PTPRR: variants seen among roughly 807,000 people sequenced by gnomAD.
The protein encoded by PTPRR is protein tyrosine phosphatase receptor type R.
PTPRR carries 38 observed loss-of-function variants against 77.2 expected under a neutral mutation model. That is an observed-to-expected ratio of 0.49 (90% CI 0.38 to 0.65). PTPRR has a LOEUF of 0.65. Among genes scored for constraint, PTPRR ranks in the 30% least tolerant of loss-of-function variants. The pLI, the probability that PTPRR is intolerant of heterozygous loss-of-function variation, is 0.00. For synonymous variants in PTPRR, 299 were observed against 283.1 expected (o/e 1.06, Z -0.57); for missense variants, 744 against 799.2 (o/e 0.93, Z 0.83).
chr12:70,704,157 G>C (rs1513106), intron 6 of PTPRR, among the ~76,000 whole-genome samples: 123,766 of 152,040 alleles, frequency 0.81, 50,817 homozygotes, highest in East Asian at 0.93. Context: ...GATGTTGGCT[G>C]ACATCTGTAA....
chr12:70,804,139 C>CTGTGTGTGTGTG (rs58442488), intron 2 of PTPRR, among the ~76,000 whole-genome samples: 9,626 of 137,176 alleles, frequency 0.07, 529 homozygotes, highest in Non-Finnish European at 0.088. Context: ...GTTCCTGGCT[C>CTGTGTGTGTGTG]TGTGTGTGTG....
intron 4 of PTPRR, among the ~76,000 whole-genome samples, chr12:70,756,196 C>G (rs548792298): frequency 4.5e-4 from 68 of 152,150 alleles, no homozygotes; most frequent in South Asian, 1.2e-3. Context: ...CTGCTTAAGA[C>G]AAACCTGTTT....
chr12:70,745,384 A>G (rs1592726260), intron 6 of PTPRR, among the ~76,000 whole-genome samples: 1 of 152,282 alleles, frequency 6.6e-6, no homozygotes, highest in East Asian at 1.9e-4. Flanking sequence ...CAGAGCTAAA[A>G]CTTTAAAAAA....
intron 2 of PTPRR, among the ~76,000 whole-genome samples, chr12:70,793,240 G>A (rs140955744): frequency 3.0e-4 from 45 of 152,296 alleles, no homozygotes; most frequent in African/African-American, 1.1e-3. Context: ...TTAAAGTTGA[G>A]CAAAGTTTCA....
intron 4 of PTPRR, among the ~76,000 whole-genome samples, chr12:70,755,059 T>C (rs1890528425): frequency 6.6e-6 from 1 of 152,146 alleles, no homozygotes; most frequent in Non-Finnish European, 1.5e-5. Flanking sequence ...ATTAATTTTA[T>C]TTTATTAATT....
At chr12:70,802,144 A>G (rs1196688208) in intron 2 of PTPRR, among the ~76,000 whole-genome samples, 3 of 152,222 alleles carry the variant, frequency 2.0e-5, no homozygotes, top group African/African-American at 7.2e-5. Context: ...AAAAAATGTT[A>G]GATCATATGG....
intron 2 of PTPRR, 135 bp downstream of exon 2, chr12:70,892,544 A>G: frequency 9.3e-7 from 1 of 1,070,834 alleles, no homozygotes; most frequent in Non-Finnish European, 1.3e-6. Flanking sequence ...TAGAAGTACC[A>G]CAGAATAAGT....
At chr12:70,673,005 TC>T in intron 10 of PTPRR, 1 of 1,279,570 alleles carries the variant, frequency 7.8e-7, no homozygotes, top group Non-Finnish European at 1.0e-6. Context: ...GATAGAGCTC[TC>T]TTCAATAAAT....
intron 8 of PTPRR, among the ~76,000 whole-genome samples, chr12:70,688,170 G>A (rs1251072083): frequency 6.6e-6 from 1 of 152,148 alleles, no homozygotes; most frequent in African/African-American, 2.4e-5. Flanking sequence ...TGACATTGAT[G>A]TGGGCAAAAA....
chr12:70,885,834 TATGG>T (rs1282025760), intron 2 of PTPRR, among the ~76,000 whole-genome samples: 6 of 152,000 alleles, frequency 3.9e-5, no homozygotes, highest in African/African-American at 1.4e-4. Context: ...CCTGGCTGGT[TATGG>T]ATGGTTTTTA....
intron 2 of PTPRR, among the ~76,000 whole-genome samples, chr12:70,787,191 G>A (rs1396167659): frequency 6.6e-6 from 1 of 151,998 alleles, no homozygotes; most frequent in African/African-American, 2.4e-5. Context: ...TTTTCTTTTA[G>A]GAAGATTGAG....
At chr12:70,722,540 A>C (rs571131896) in intron 6 of PTPRR, among the ~76,000 whole-genome samples, 10 of 152,262 alleles carry the variant, frequency 6.6e-5, no homozygotes, top group Non-Finnish European at 1.3e-4. Flanking sequence ...AAGAAGCTTG[A>C]CTTGGAGGGA....
intron 2 of PTPRR, among the ~76,000 whole-genome samples, chr12:70,791,359 T>C (rs961114807): frequency 2.0e-5 from 3 of 152,200 alleles, no homozygotes; most frequent in African/African-American, 7.2e-5. Context: ...CTCTGAGATA[T>C]ATGCAGGGCT....
At chr12:70,640,101 A>G (rs1200551836) in intron 13 of PTPRR, among the ~76,000 whole-genome samples, 1 of 152,228 alleles carries the variant, frequency 6.6e-6, no homozygotes, top group Non-Finnish European at 1.5e-5. Context: ...CATGAGAAAT[A>G]ACGGTGCTTC....
chr12:70,820,854 A>G (rs1379127296), intron 2 of PTPRR, among the ~76,000 whole-genome samples: 1 of 151,994 alleles, frequency 6.6e-6, no homozygotes, highest in Non-Finnish European at 1.5e-5. Flanking sequence ...CACTTTTCCT[A>G]TCTCCTCTTA....
At chr12:70,777,239 A>G (rs900499017) in intron 2 of PTPRR, among the ~76,000 whole-genome samples, 2 of 151,792 alleles carry the variant, frequency 1.3e-5, no homozygotes, top group Non-Finnish European at 2.9e-5. Flanking sequence ...TATTCCATTC[A>G]CTTCTGTTAT....
chr12:70,772,385 A>G (rs1890997517), intron 2 of PTPRR, among the ~76,000 whole-genome samples: 1 of 152,184 alleles, frequency 6.6e-6, no homozygotes. Context: ...AAAAGAGATT[A>G]ATACTGTTTC....
intron 2 of PTPRR, among the ~76,000 whole-genome samples, chr12:70,856,282 C>T (rs1892650166): frequency 1.3e-5 from 2 of 152,104 alleles, no homozygotes; most frequent in Admixed American, 1.3e-4. Flanking sequence ...GACAATGGTA[C>T]TGGCTACAGT....
intron 2 of PTPRR, among the ~76,000 whole-genome samples, chr12:70,872,196 T>A (rs1892969567): frequency 6.6e-6 from 1 of 152,188 alleles, no homozygotes; most frequent in South Asian, 2.1e-4. Context: ...TAGATATAAC[T>A]TTTATTTCAT....
Sources: gnomAD v4.1 joint callset for allele counts (sites outside exome capture counted in the v4.1 genomes callset) on GRCh38, gnomAD v4.1.1 for gene constraint, MANE v1.5 for transcripts, NCBI Gene and HGNC (gene_info 2026-07-23, HGNC 2026-07-21) for gene names.